The following DOCK4 variants were observed in gnomAD, a reference collection of about 807,000 sequenced individuals.
DOCK4 encodes the protein dedicator of cytokinesis protein 4.
In DOCK4, 97 loss-of-function variants were observed where a neutral mutation model predicts 268.1. The ratio of observed to expected loss-of-function variants is 0.36; its 90% CI spans 0.31 to 0.43. The LOEUF (loss-of-function observed/expected upper bound fraction) is 0.43, where lower values mean the gene tolerates loss of function less well. DOCK4 is among the 20% of genes least tolerant of loss of function. The pLI is 1.00. For synonymous variants in DOCK4, 954 were observed against 887.2 expected, an observed-to-expected ratio of 1.08 and a Z score of -1.34; for missense variants, 2,145 against 2,455.7, an observed-to-expected ratio of 0.87 and a Z score of 2.67.
intron 1 of DOCK4, among the ~76,000 whole-genome samples, chr7:112,033,491 C>T (rs1803465589): frequency 6.6e-6 from 1 of 152,158 alleles, no homozygotes; most frequent in Non-Finnish European, 1.5e-5. Flanking sequence ...CAAGGTGTAC[C>T]CTAAATTACT....
chr7:111,756,738 C>T (rs1797046823), intron 41 of DOCK4, among the ~76,000 whole-genome samples: 1 of 151,748 alleles, frequency 6.6e-6, no homozygotes, highest in Non-Finnish European at 1.5e-5. Flanking sequence ...TGAAATAGTG[C>T]CATTTACTCA....
chr7:112,197,836 C>G (rs911430925), intron 1 of DOCK4, among the ~76,000 whole-genome samples: 2 of 152,060 alleles, frequency 1.3e-5, no homozygotes, highest in Non-Finnish European at 2.9e-5. Context: ...CAGAACTTCT[C>G]TTTTTTGGTG....
chr7:112,126,453 G>A (rs374919247), intron 1 of DOCK4, among the ~76,000 whole-genome samples: 1 of 152,170 alleles, frequency 6.6e-6, no homozygotes, highest in Non-Finnish European at 1.5e-5. Flanking sequence ...CCCGCTTAGT[G>A]TCTAGTACCA....
chr7:112,113,263 G>A (rs1016603906), intron 1 of DOCK4, among the ~76,000 whole-genome samples: 1 of 152,166 alleles, frequency 6.6e-6, no homozygotes, highest in Non-Finnish European at 1.5e-5. Context: ...TTTGTAGTGT[G>A]TAGGAACAAC....
intron 47 of DOCK4, 131 bp from the exon 48 acceptor site, chr7:111,739,608 T>A: frequency 2.8e-6 from 2 of 725,616 alleles, no homozygotes; most frequent in Non-Finnish European, 4.6e-6. Context: ...ATAGAAAATC[T>A]TAATAACTTA....
At chr7:111,817,256 C>T (rs973648922) in intron 27 of DOCK4, among the ~76,000 whole-genome samples, 1 of 152,128 alleles carries the variant, frequency 6.6e-6, no homozygotes, top group African/African-American at 2.4e-5. Flanking sequence ...AAATAAGTAT[C>T]TATTATCTCC....
chr7:112,139,723 G>A (rs186991744), intron 1 of DOCK4, among the ~76,000 whole-genome samples: 3 of 152,232 alleles, frequency 2.0e-5, no homozygotes, highest in Non-Finnish European at 4.4e-5. Flanking sequence ...AAACTAAAGG[G>A]ACCAATGAAG....
At chr7:112,099,740 T>C (rs1324838020) in intron 1 of DOCK4, among the ~76,000 whole-genome samples, 1 of 152,230 alleles carries the variant, frequency 6.6e-6, no homozygotes, top group Non-Finnish European at 1.5e-5. Flanking sequence ...AAAACAGATG[T>C]AATTAGATAG....
At chr7:112,204,726 C>A (rs1416973171) in intron 1 of DOCK4, among the ~76,000 whole-genome samples, 2 of 152,000 alleles carry the variant, frequency 1.3e-5, no homozygotes, top group African/African-American at 4.8e-5. Flanking sequence ...AAGTCCTATC[C>A]CCAGGCAAAG....
chr7:111,979,072 C>T (rs977506540), intron 7 of DOCK4, among the ~76,000 whole-genome samples: 3 of 152,200 alleles, frequency 2.0e-5, no homozygotes, highest in Non-Finnish European at 2.9e-5. Context: ...AATGACCCTA[C>T]GTCTACATTA....
rs577893600 is a variant in DOCK4, at chr7:111,742,731, C to T, written c.4678-599G>A. On this transcript the variant is annotated intron_variant, in intron 44 of 52. Coordinates refer to ENST00000428084, the MANE Select transcript of DOCK4 (RefSeq NM_001363540.2). ...ATTCCTGGCCAGGCGCGGTGGCTCA[C>T]GCCTGTAATCCCAGCACTTTGGGAG... 1.1e-4 allele frequency among the ~76,000 whole-genome samples: 17 copies of T among 152,292 alleles called. No homozygotes were observed. The East Asian group carries it at 1.5e-3, about 14-fold the overall frequency.
intron 1 of DOCK4, among the ~76,000 whole-genome samples, chr7:112,129,991 T>C (rs1423423375): frequency 6.6e-6 from 1 of 152,204 alleles, no homozygotes; most frequent in Non-Finnish European, 1.5e-5. Context: ...GACAAGTCCT[T>C]GGGATTCCTG....
At chr7:111,871,839 T>C (rs1254202108) in intron 20 of DOCK4, 151 bp downstream of exon 20, 3 of 493,740 alleles carry the variant, frequency 6.1e-6, no homozygotes, top group East Asian at 3.3e-5. Context: ...AAAAAGGGTG[T>C]GTTAGCAGGG....
intron 30 of DOCK4, among the ~76,000 whole-genome samples, chr7:111,796,006 C>A (rs1012090875): frequency 2.6e-5 from 4 of 152,194 alleles, no homozygotes; most frequent in African/African-American, 4.8e-5. Flanking sequence ...TTGCCCTTGG[C>A]CTGTATCTTG....
intron 7 of DOCK4, among the ~76,000 whole-genome samples, chr7:111,983,645 T>C (rs920274370): frequency 2.0e-5 from 3 of 152,064 alleles, no homozygotes; most frequent in Non-Finnish European, 4.4e-5. Flanking sequence ...ACTTACCATG[T>C]AACTAGAAAA....
intron 1 of DOCK4, among the ~76,000 whole-genome samples, chr7:112,139,772 T>C (rs1814718694): frequency 1.3e-5 from 2 of 152,068 alleles, no homozygotes; most frequent in South Asian, 4.1e-4. Flanking sequence ...ATCTTTTTTG[T>C]AAAAGGGAAA....
chr7:111,912,317 T>C (rs1792173587), intron 13 of DOCK4, among the ~76,000 whole-genome samples: 2 of 152,296 alleles, frequency 1.3e-5, no homozygotes, highest in Admixed American at 6.5e-5. Flanking sequence ...CTATTGTTTT[T>C]CCCTTTTCTT....
rs3997406 is a variant in DOCK4, at chr7:111,760,738, TTGTGTGTGTGTGTGTGTG to T, written c.4021-434_4021-417del. The stretch of plus-strand genomic sequence containing the variant: ...GAAAAGTAAATTTGTTGTCTGCTTT[TTGTGTGTGTGTGTGTGTG>T]TGTGTGTGTGTGTGTGTGTGTGTGT... On this transcript the variant is annotated intron_variant, in intron 39 of 52. Coordinates refer to ENST00000428084, the MANE Select transcript of DOCK4 (RefSeq NM_001363540.2). 3.8e-3 allele frequency among the ~76,000 whole-genome samples: 517 copies of T among 137,002 alleles called. 3 individuals are homozygous for T. Among genetic ancestry groups the T allele is most frequent in the African/African-American group, 0.013 (470 of 35,694 alleles). 89.9% of individuals were successfully genotyped at this position (137,002 alleles called of 152,430 possible).
At chr7:111,924,054 C>T (rs986440194) in intron 12 of DOCK4, among the ~76,000 whole-genome samples, 8 of 152,122 alleles carry the variant, frequency 5.3e-5, no homozygotes, top group African/African-American at 1.9e-4. Flanking sequence ...TATATATACT[C>T]AATATTCTTT....
Sources: gnomAD v4.1 joint callset for allele counts (sites outside exome capture counted in the v4.1 genomes callset) on GRCh38, gnomAD v4.1.1 for gene constraint, MANE v1.5 for transcripts, NCBI Gene and HGNC (gene_info 2026-07-23, HGNC 2026-07-21) for gene names.